The following SNPH variants were observed in gnomAD, a reference collection of about 807,000 sequenced individuals.
SNPH encodes syntaphilin.
Under a neutral mutation model 36.8 loss-of-function variants are expected in SNPH, and 10 were observed. The observed-to-expected ratio is 0.27, with a 90% CI of 0.17 to 0.46. The LOEUF (loss-of-function observed/expected upper bound fraction) is 0.46, where lower values mean the gene tolerates loss of function less well. Among genes scored for constraint, SNPH ranks in the 20% least tolerant of loss-of-function variants. SNPH has a pLI of 1.00. For synonymous variants in SNPH, 281 were observed against 312.2 expected, an observed-to-expected ratio of 0.90 and a Z score of 1.05; for missense variants, 622 against 744.0, an observed-to-expected ratio of 0.84 and a Z score of 1.91.
chr20:1,280,120 C>T lies in SNPH; in HGVS notation c.-493+13360C>T, dbSNP rs140767647. ...CGGAGCGGTGCCCACAGCTTTTCTG[C>T]GTTGCTCTGAGCTGTGTGGAGCCTG... On this transcript the variant is annotated intron_variant, in intron 2 of 6. Coordinates refer to ENST00000381867, the MANE Select transcript of SNPH (RefSeq NM_001318234.2). Among the ~76,000 whole-genome samples, 495 of 152,318 alleles carry T rather than the reference C, an allele frequency of 3.2e-3. 2 individuals are homozygous for T. The highest frequency in any genetic ancestry group is 0.011 in the African/African-American group (454 of 41,556).
intron 6 of SNPH, among the ~76,000 whole-genome samples, chr20:1,301,619 C>T (rs1282015132): frequency 6.6e-6 from 1 of 152,062 alleles, no homozygotes; most frequent in African/African-American, 2.4e-5. Flanking sequence ...ATTTTGCAAC[C>T]ATTACCACTA....
In SNPH at chr20:1,296,357, C is replaced by G. The variant is rs367993627; in HGVS notation, c.118C>G (p.Arg40Gly). 20 of 1,599,980 alleles carry G rather than the reference C, an allele frequency of 1.3e-5. No individual in the cohort carries two copies. Among genetic ancestry groups the G allele is most frequent in the Admixed American group, 3.5e-5 (2 of 57,858 alleles). The change falls in exon 4 of 7, where the codon CGG becomes GGG. Residue 40 changes from arginine (R) to glycine (G), a missense_variant. Physicochemically the swap from Arg to Gly is moderately radical, Grantham distance 125. This residue lies in a region of SNPH where 187 missense variants were observed against 209.4 expected (regional missense o/e 0.89). Transcript: ENST00000381867. ...PGIPPIPPLT[R>G]THSLMAMSLP... ...GATACCGCCCATCCCACCCCTTACT[C>G]GGACCCACAGCCTCATGGCCATGTC...
At position 1,294,890 on chromosome 20, in the gene SNPH, C is replaced by T. The variant is rs1438113818; in HGVS notation, c.-492-61C>T. 1 of 152,590 alleles carries T rather than the reference C, an allele frequency of 6.6e-6. No individual in the cohort carries two copies. The highest frequency in any genetic ancestry group is 2.4e-5 in the African/African-American group (1 of 41,398). The allele number at this position is 152,590 out of a possible 1,614,324, so 9.5% of individuals were successfully genotyped here. ...GGGATGTGACTTGGCCAAGTCCCTTCCCTCTCGGTGGCTCGATTCCTCATC... is the reference window on the plus strand; with the variant it reads ...GGGATGTGACTTGGCCAAGTCCCTTTCCTCTCGGTGGCTCGATTCCTCATC... On this transcript the variant is annotated intron_variant, in intron 2 of 6. Transcript: ENST00000381867. This position sits in a 1 kb window ranked among gnomAD's most constrained non-coding sequence, Gnocchi z 4.4.
At chr20:1,286,038 C>T (rs2088280423) in intron 2 of SNPH, among the ~76,000 whole-genome samples, 2 of 146,558 alleles carry the variant, frequency 1.4e-5, no homozygotes, top group Non-Finnish European at 3.0e-5. Flanking sequence ...TGCAGTGAGC[C>T]GAGATTGCGC....
chr20:1,269,491 GT>G (rs2088047738), intron 2 of SNPH, among the ~76,000 whole-genome samples: 1 of 152,162 alleles, frequency 6.6e-6, no homozygotes. Context: ...TGTCTGCATC[GT>G]CCCCTTCCAA....
In SNPH at chr20:1,305,468, T is replaced by C; in HGVS notation, c.1031T>C (p.Met344Thr). The C allele has an allele frequency of 1.2e-6, 2 of 1,613,234 alleles. No homozygotes were observed. The highest frequency in any genetic ancestry group is 2.2e-5 in the East Asian group (1 of 44,886). ...ACCTATGAGAAGCTGCTGTGTGGCA[T>C]GGAGGCTGGTGTGCAGGCCAGCTGC... ...SNTYEKLLCG[M>T]EAGVQASCMQ... Residue 344 changes from methionine to threonine, a missense_variant, in exon 7 of 7, where the codon ATG becomes ACG. Met to Thr is a moderately conservative substitution (Grantham distance 81, BLOSUM62 -1). Transcript: ENST00000381867.
intron 2 of SNPH, among the ~76,000 whole-genome samples, chr20:1,270,587 G>A (rs1268203107): frequency 6.6e-6 from 1 of 152,074 alleles, no homozygotes; most frequent in East Asian, 1.9e-4. Flanking sequence ...GGAGTCTAGG[G>A]GACTATCCAA....
At chr20:1,269,504 G>A (rs964588754) in intron 2 of SNPH, among the ~76,000 whole-genome samples, 6 of 152,222 alleles carry the variant, frequency 3.9e-5, no homozygotes, top group Admixed American at 1.3e-4. Context: ...CCCTTCCAAA[G>A]GTTTCGCTGC....
intron 2 of SNPH, among the ~76,000 whole-genome samples, chr20:1,281,764 C>CTAT (rs1247351703): frequency 6.6e-6 from 1 of 152,228 alleles, no homozygotes; most frequent in Admixed American, 6.5e-5. Flanking sequence ...GATTATGGGA[C>CTAT]TATTGGCAGA....
At chr20:1,288,030 C>T (rs1600254350) in intron 2 of SNPH, among the ~76,000 whole-genome samples, 1 of 152,188 alleles carries the variant, frequency 6.6e-6, no homozygotes, top group Non-Finnish European at 1.5e-5. Flanking sequence ...AGCATGGGAA[C>T]CAGTGTTCCC....
chr20:1,277,212 G>T (rs371440069), intron 2 of SNPH, among the ~76,000 whole-genome samples: 1 of 152,260 alleles, frequency 6.6e-6, no homozygotes, highest in Middle Eastern at 3.4e-3. Flanking sequence ...CTGAACCCCC[G>T]TACCCAGCAC....
chr20:1,299,512 G>C (rs1043624910), intron 5 of SNPH, among the ~76,000 whole-genome samples: 1 of 152,218 alleles, frequency 6.6e-6, no homozygotes, highest in African/African-American at 2.4e-5. Flanking sequence ...CTCCTTCCCC[G>C]TGAAAGCCTG....
At chr20:1,289,114 G>A (rs2088320041) in intron 2 of SNPH, among the ~76,000 whole-genome samples, 1 of 152,138 alleles carries the variant, frequency 6.6e-6, no homozygotes, top group South Asian at 2.1e-4. Context: ...CAGGTCTACT[G>A]TATTATGAGA....
In SNPH at chr20:1,276,618, C is replaced by T. The variant is rs2088134598; in HGVS notation, c.-493+9858C>T. Among the ~76,000 whole-genome samples, 1 of 152,156 alleles carries T rather than the reference C, an allele frequency of 6.6e-6. No individual in the cohort carries two copies. The highest frequency in any genetic ancestry group is 1.5e-5 in the Non-Finnish European group (1 of 68,032). ...TTCTATGTGTAAAGCCCCTACCTAG[C>T]CCAGGGGCTTTATTTATTAAACACA... On this transcript the variant is annotated intron_variant, in intron 2 of 6. Coordinates refer to ENST00000381867, the MANE Select transcript of SNPH (RefSeq NM_001318234.2). This position sits in a 1 kb window ranked among gnomAD's most constrained non-coding sequence, Gnocchi z 4.6.
At chr20:1,272,487 A>G (rs994981993) in intron 2 of SNPH, among the ~76,000 whole-genome samples, 4 of 152,222 alleles carry the variant, frequency 2.6e-5, no homozygotes, top group Non-Finnish European at 4.4e-5. Context: ...CATGTGCCCA[A>G]TGTTGTCAGA....
At chr20:1,277,888 T>G (rs969126260) in intron 2 of SNPH, among the ~76,000 whole-genome samples, 1 of 149,830 alleles carries the variant, frequency 6.7e-6, no homozygotes, top group Non-Finnish European at 1.5e-5. Context: ...TGTGCCGATG[T>G]GTCTGTGTAT....
intron 2 of SNPH, among the ~76,000 whole-genome samples, chr20:1,277,245 C>G (rs1374167346): frequency 1.3e-5 from 2 of 152,184 alleles, no homozygotes; most frequent in Non-Finnish European, 2.9e-5. Context: ...CAGAAACATT[C>G]TAGAAAAATG....
chr20:1,306,297 T>C lies in SNPH; in HGVS notation c.*243T>C. On this transcript the variant is annotated 3_prime_UTR_variant, in exon 7 of 7. Transcript: ENST00000381867. ...CAGGAGGTACACCAGCTGGACAAAT[T>C]GCAGGGAGGGGAGGGAGCGAGGGCC... 2.4e-6 allele frequency: 1 copy of C among 408,640 alleles called. No individual in the cohort carries two copies. The highest frequency in any genetic ancestry group is 4.3e-6 in the Non-Finnish European group (1 of 235,194). The allele number at this position is 408,640 out of a possible 1,614,324, so 25.3% of individuals were successfully genotyped here.
At chr20:1,300,450 C>A in intron 5 of SNPH, 112 bp from the exon 6 acceptor site, 2 of 1,164,750 alleles carry the variant, frequency 1.7e-6, no homozygotes, top group Non-Finnish European at 2.5e-6. Flanking sequence ...TGGCTTGGAG[C>A]ATCTGGTGGC....
Sources: allele counts gnomAD v4.1 joint callset (sites outside exome capture counted in the v4.1 genomes callset), GRCh38; gene constraint gnomAD v4.1.1; regional missense constraint gnomAD v4.1.1; non-coding constraint Gnocchi (gnomAD v3.1); transcripts MANE v1.5; gene names NCBI Gene and HGNC (gene_info 2026-07-23, HGNC 2026-07-21).